Variants in DST observed in about 807,000 individuals in gnomAD.
DST encodes dystonin, also known as bullous pemphigoid antigen.
Under a neutral mutation model 875.2 loss-of-function variants are expected in DST, and 253 were observed. The observed-to-expected ratio is 0.29, with a 90% CI of 0.26 to 0.32. DST has a LOEUF of 0.32. Ranked by LOEUF, DST falls within the 10% of genes least tolerant of loss-of-function variation. The probability of loss-of-function intolerance (pLI) is 1.00; values close to 1 mark genes in which losing one functional copy is unlikely to be tolerated. For synonymous variants in DST, 3,124 were observed against 3,197.1 expected (o/e 0.98, Z 0.77); for missense variants, 8,287 against 9,111.6 (o/e 0.91, Z 3.68).
intron 80 of DST, among the ~76,000 whole-genome samples, chr6:56,498,812 A>G (rs1279044484): frequency 6.6e-6 from 1 of 152,158 alleles, no homozygotes; most frequent in Non-Finnish European, 1.5e-5. Context: ...GGAAGGCCCT[A>G]AAACTAACAC....
chr6:56,515,167 A>C (rs887901800), intron 72 of DST, among the ~76,000 whole-genome samples: 1 of 152,118 alleles, frequency 6.6e-6, no homozygotes, highest in African/African-American at 2.4e-5. Context: ...TTAATCCTAT[A>C]ACATTTTTAA....
At position 56,609,006 on chromosome 6, in the gene DST, C is replaced by T. The variant is rs752110716; in HGVS notation, c.5622G>A (p.Glu1874=). The change falls in exon 40 of 104, where the codon GAG becomes GAA. Residue 1874 remains glutamate, a synonymous_variant. Transcript: ENST00000680361. The part of the protein sequence containing the change: ...ITESMAIKVL[E]ILLSTGSLVI... Reference sequence around the variant, plus strand: ...CCAGAGAGCCTGTAGAAAGCAGTATCTCAAGAACTTTGATGGCCATGGATT... The same window carrying T: ...CCAGAGAGCCTGTAGAAAGCAGTATTTCAAGAACTTTGATGGCCATGGATT... The T allele has an allele frequency of 6.2e-7, 1 of 1,613,880 alleles. No individual in the cohort carries two copies. The highest frequency in any genetic ancestry group is 8.5e-7 in the Non-Finnish European group (1 of 1,179,808).
intron 61 of DST, 60 bp from the exon 62 acceptor site, chr6:56,537,000 A>C (rs2097016708): frequency 2.0e-6 from 3 of 1,470,812 alleles, no homozygotes; most frequent in Non-Finnish European, 2.8e-6. Context: ...CCAAATATAT[A>C]ATAAGCATTT....
chr6:56,799,295 T>C (rs1036630533), intron 4 of DST, among the ~76,000 whole-genome samples: 6 of 151,410 alleles, frequency 4.0e-5, no homozygotes, highest in Non-Finnish European at 7.4e-5. Flanking sequence ...TTCTGGGTGG[T>C]AGTGAACTAT....
chr6:56,625,306 G>A, intron 34 of DST, 42 bp from the exon 35 acceptor site: 2 of 1,210,058 alleles, frequency 1.7e-6, no homozygotes, highest in Admixed American at 1.7e-5. Context: ...TTGAAGCAAA[G>A]TACTAGAGTT....
chr6:56,625,962 G>C (rs1376944106), intron 34 of DST, among the ~76,000 whole-genome samples: 1 of 100,416 alleles, frequency 1.0e-5, no homozygotes, highest in East Asian at 3.0e-4. Flanking sequence ...TAACAAAGAA[G>C]TTTAAAAAGT....
chr6:56,605,110 C>G lies in DST; in HGVS notation c.9518G>C (p.Gly3173Ala). Residue 3173 changes from glycine (G) to alanine (A), a missense_variant, in exon 40 of 104, where the codon GGA becomes GCA. Gly to Ala is a moderately conservative substitution (Grantham distance 60). This residue lies in a region of DST where 3,138 missense variants were observed against 3,116.6 expected (regional missense o/e 1.01). Transcript: ENST00000680361. ...NTHFEESFTDGPEKELDLFTY... is the reference protein window; with the variant it reads ...NTHFEESFTDAPEKELDLFTY... ...AAACAGATCAAGCTCTTTCTCAGGT[C>G]CATCAGTGAATGACTCCTCAAAATG... is the stretch of plus-strand genomic sequence containing the variant. 1 of 1,612,622 alleles carries G rather than the reference C, an allele frequency of 6.2e-7. No homozygotes were observed. The highest frequency in any genetic ancestry group is 8.5e-7 in the Non-Finnish European group (1 of 1,179,292).
At chr6:56,868,776 T>C (rs899584176) in intron 3 of DST, among the ~76,000 whole-genome samples, 5 of 152,226 alleles carry the variant, frequency 3.3e-5, no homozygotes, top group African/African-American at 1.2e-4. Flanking sequence ...CTCCAAATTA[T>C]AACAAAACAT....
chr6:56,815,314 CT>C (rs1437432631), intron 4 of DST, among the ~76,000 whole-genome samples: 3 of 151,584 alleles, frequency 2.0e-5, no homozygotes, highest in African/African-American at 7.3e-5. Context: ...ACTTGTTTTT[CT>C]TTTATTCATA....
intron 84 of DST, 61 bp downstream of exon 84, chr6:56,492,870 CAAA>C (rs376190394): frequency 3.7e-3 from 3,581 of 960,602 alleles, no homozygotes; most frequent in South Asian, 7.4e-3. Context: ...GACTCAGTCT[CAAA>C]AAAAAAAAAA....
chr6:56,600,148 T>G lies in DST; in HGVS notation c.11615A>C (p.Asn3872Thr), dbSNP rs759301150. 6.2e-7 allele frequency: 1 copy of G among 1,613,134 alleles called. No individual in the cohort carries two copies. The highest frequency in any genetic ancestry group is 8.5e-7 in the Non-Finnish European group (1 of 1,179,264). ...GICDLLTQTENRLIGHQEAFM... is the reference protein window; with the variant it reads ...GICDLLTQTETRLIGHQEAFM... ...GGCTTCTTGGTGACCAATTAGGCGGTTTTCAGTTTGGGTAAGAAGATCACA... is the reference window on the plus strand; with the variant it reads ...GGCTTCTTGGTGACCAATTAGGCGGGTTTCAGTTTGGGTAAGAAGATCACA... The change falls in exon 45 of 104, where the codon AAC (asparagine) becomes ACC (threonine). Residue 3872 changes from asparagine to threonine, a missense_variant. By Grantham distance (65) the Asn-to-Thr change is moderately conservative. Transcript: ENST00000680361.
intron 99 of DST, among the ~76,000 whole-genome samples, chr6:56,465,680 T>C (rs568097698): frequency 1.3e-5 from 2 of 152,114 alleles, no homozygotes; most frequent in Non-Finnish European, 1.5e-5. Flanking sequence ...CTTTGACCTT[T>C]AAACTTTTAT....
At chr6:56,726,371 A>C (rs569582794) in intron 5 of DST, among the ~76,000 whole-genome samples, 32 of 152,292 alleles carry the variant, frequency 2.1e-4, no homozygotes, top group African/African-American at 7.2e-4. Context: ...GGGGTTTTCT[A>C]TTTGATTCTA....
intron 68 of DST, 24 bp downstream of exon 68, chr6:56,527,469 C>T (rs1195152778): frequency 6.2e-7 from 1 of 1,604,492 alleles, no homozygotes; most frequent in Non-Finnish European, 8.5e-7. Context: ...AAGACTAATC[C>T]AAAATGCAGA....
chr6:56,605,169 A>C lies in DST; in HGVS notation c.9459T>G (p.Ile3153Met), dbSNP rs765243871. ...TSVSKEISDD[I>M]TSDITSWEGN... Reference sequence around the variant, plus strand: ...CTTCCCACGATGTAATGTCTGAAGTAATGTCATCACTAATCTCTTTGGAAA... The same window carrying C: ...CTTCCCACGATGTAATGTCTGAAGTCATGTCATCACTAATCTCTTTGGAAA... Residue 3153 changes from isoleucine to methionine, a missense_variant, in exon 40 of 104, where the codon ATT becomes ATG. By Grantham distance (10) the Ile-to-Met change is conservative (BLOSUM62 1). Coordinates refer to ENST00000680361, the MANE Select transcript of DST (RefSeq NM_001374736.1). 85 of 1,612,186 alleles carry C rather than the reference A, an allele frequency of 5.3e-5. No individual in the cohort carries two copies. Among genetic ancestry groups the C allele is most frequent in the Admixed American group, 2.7e-4 (16 of 59,712 alleles).
chr6:56,645,892 C>T lies in DST; in HGVS notation c.1752G>A (p.Glu584=), dbSNP rs1157114569. The change falls in exon 15 of 104, where the codon GAG becomes GAA. Residue 584 remains glutamate, a synonymous_variant. Coordinates refer to ENST00000680361, the MANE Select transcript of DST (RefSeq NM_001374736.1). ...TTTCTACTTCTGGACGAAGGGCCTTCTCTCTCTCTAGCATGGCAATAATGA... is the reference window on the plus strand; with the variant it reads ...TTTCTACTTCTGGACGAAGGGCCTTTTCTCTCTCTAGCATGGCAATAATGA... ...GKLIIAMLER[E]KALRPEVERL... is the part of the protein sequence containing the mutation. 1 of 1,612,778 alleles carries T rather than the reference C, an allele frequency of 6.2e-7. No homozygotes were observed. The highest frequency in any genetic ancestry group is 1.7e-5 in the Admixed American group (1 of 59,912).
At chr6:56,839,495 T>C (rs2099797438) in intron 4 of DST, among the ~76,000 whole-genome samples, 1 of 152,198 alleles carries the variant, frequency 6.6e-6, no homozygotes, top group Admixed American at 6.5e-5. Context: ...ATTTATTATA[T>C]AACTATTAAC....
chr6:56,459,301 T>C (rs924961968), intron 103 of DST, 34 bp from the exon 104 acceptor site: 2 of 1,587,010 alleles, frequency 1.3e-6, no homozygotes. Context: ...CTCACCCTTA[T>C]TATTGGGTCC....
chr6:56,802,979 T>C (rs2099749006), intron 4 of DST, among the ~76,000 whole-genome samples: 1 of 152,202 alleles, frequency 6.6e-6, no homozygotes, highest in Non-Finnish European at 1.5e-5. Flanking sequence ...AGTACAGTAC[T>C]GACAAATAAT....
Sources: allele counts gnomAD v4.1 joint callset (sites outside exome capture counted in the v4.1 genomes callset), GRCh38; gene constraint gnomAD v4.1.1; regional missense constraint gnomAD v4.1.1; transcripts MANE v1.5; gene names NCBI Gene and HGNC (gene_info 2026-07-23, HGNC 2026-07-21).